Variants in TNNI3K observed in about 807,000 individuals in gnomAD.
TNNI3K encodes serine/threonine-protein kinase TNNI3K.
TNNI3K carries 140 observed loss-of-function variants against 114.5 expected under a neutral mutation model. The ratio of observed to expected loss-of-function variants is 1.22; its 90% CI spans 1.07 to 1.41. The LOEUF (loss-of-function observed/expected upper bound fraction) is 1.41. Ranked by LOEUF, TNNI3K falls within the 40% of genes most tolerant of loss-of-function variation. The probability of loss-of-function intolerance (pLI) is 0.00; values close to 1 mark genes in which losing one functional copy is unlikely to be tolerated. For synonymous variants in TNNI3K, 347 were observed against 347.5 expected (o/e 1.00, Z 0.02); for missense variants, 1,125 against 1,007.6 (o/e 1.12, Z -1.58).
At chr1:74,238,491 A>G (rs1653993825) in intron 2 of TNNI3K, among the ~76,000 whole-genome samples, 1 of 152,100 alleles carries the variant, frequency 6.6e-6, no homozygotes, top group Non-Finnish European at 1.5e-5. Flanking sequence ...AAGACTTATC[A>G]TAAAGTGAGA....
chr1:74,391,957 A>ATTATTTTTTTTTTTTTT lies in TNNI3K; in HGVS notation c.1772+21567_1772+21568insATTTTTTTTTTTTTTTT, dbSNP rs1369570973. Among the ~76,000 whole-genome samples the ATTATTTTTTTTTTTTTT allele has an allele frequency of 8.6e-4, 80 of 93,034 alleles. 1 individual carries two copies. Among genetic ancestry groups the ATTATTTTTTTTTTTTTT allele is most frequent in the Middle Eastern group, 8.6e-3 (1 of 116 alleles). 61.0% of individuals were successfully genotyped at this position (93,034 alleles called of 152,430 possible). ...TTGATTTAGGATGGTACAGCTTATTATTTTTTTTTTTTTTTTTTTTTTTTT... is the reference window on the plus strand; with the variant it reads ...TTGATTTAGGATGGTACAGCTTATTATTATTTTTTTTTTTTTTTTTTTTTTTTTTTTTTTTTTTTTTT... On this transcript the variant is annotated intron_variant, in intron 17 of 24. Coordinates refer to ENST00000326637, the MANE Select transcript of TNNI3K (RefSeq NM_015978.3).
chr1:74,353,232 T>C, intron 9 of TNNI3K, 34 bp from the exon 10 acceptor site: 1 of 1,602,134 alleles, frequency 6.2e-7, no homozygotes, highest in South Asian at 1.1e-5. Flanking sequence ...ACAAGGACCT[T>C]CTATCTTTCT....
chr1:74,396,866 G>A (rs938463935), intron 17 of TNNI3K, among the ~76,000 whole-genome samples: 7 of 152,338 alleles, frequency 4.6e-5, no homozygotes, highest in Non-Finnish European at 1.0e-4. Flanking sequence ...GGACCCAGTA[G>A]GGCAAGGCCT....
chr1:74,307,551 A>G (rs1380573719), intron 5 of TNNI3K, among the ~76,000 whole-genome samples: 1 of 152,226 alleles, frequency 6.6e-6, no homozygotes, highest in African/African-American at 2.4e-5. Flanking sequence ...AGGGCATTAT[A>G]TAATGATGAA....
intron 23 of TNNI3K, among the ~76,000 whole-genome samples, chr1:74,533,369 C>T (rs1646617038): frequency 6.6e-6 from 1 of 152,198 alleles, no homozygotes; most frequent in Admixed American, 6.5e-5. Flanking sequence ...GACATACCAT[C>T]TCACACCAGT....
intron 5 of TNNI3K, among the ~76,000 whole-genome samples, chr1:74,299,688 A>C (rs1344255705): frequency 6.6e-6 from 1 of 152,190 alleles, no homozygotes; most frequent in African/African-American, 2.4e-5. Context: ...TGAAGGAAAC[A>C]GCATAAATAA....
At chr1:74,527,031 T>C (rs778953478) in intron 23 of TNNI3K, among the ~76,000 whole-genome samples, 15 of 152,250 alleles carry the variant, frequency 9.9e-5, no homozygotes, top group Non-Finnish European at 1.5e-4. Flanking sequence ...AAAAGTTTGC[T>C]GATCCCTGCC....
chr1:74,492,307 T>A, intron 23 of TNNI3K, 41 bp downstream of exon 23: 2 of 1,444,192 alleles, frequency 1.4e-6, no homozygotes, highest in Non-Finnish European at 1.9e-6. Context: ...AAAGTCTTAT[T>A]TCAGAATCTT....
intron 20 of TNNI3K, among the ~76,000 whole-genome samples, chr1:74,451,691 C>CTTTTCTTTTCTTTTCTTTTCT (rs1553148035): frequency 4.6e-4 from 15 of 32,856 alleles, no homozygotes; most frequent in African/African-American, 9.8e-4. Context: ...TCTTTTCTTT[C>CTTTTCTTTTCTTTTCTTTTCT]TTTCTTTCTT....
chr1:74,374,724 G>C (rs1021817441), intron 17 of TNNI3K: 1 of 151,916 alleles, frequency 6.6e-6, no homozygotes, highest in African/African-American at 2.4e-5. Flanking sequence ...GGCCCATAGT[G>C]TTTAAATATT....
chr1:74,239,318 G>A (rs1430040114), intron 2 of TNNI3K, among the ~76,000 whole-genome samples: 1 of 152,108 alleles, frequency 6.6e-6, no homozygotes, highest in African/African-American at 2.4e-5. Flanking sequence ...ATAGTGTGCT[G>A]AGAATGTAAA....
chr1:74,289,483 A>C (rs1657541849), intron 5 of TNNI3K, among the ~76,000 whole-genome samples: 3 of 5,074 alleles, frequency 5.9e-4, no homozygotes. Context: ...ACCCATAGGT[A>C]GTGTCATTAG....
intron 23 of TNNI3K, among the ~76,000 whole-genome samples, chr1:74,520,614 C>CA (rs546325740): frequency 0.024 from 3,494 of 147,106 alleles, 99 homozygotes; most frequent in African/African-American, 0.063. Flanking sequence ...CTCACAACTT[C>CA]AAAAAAAAAA....
At chr1:74,463,094 C>T (rs1667518410) in intron 20 of TNNI3K, among the ~76,000 whole-genome samples, 1 of 152,136 alleles carries the variant, frequency 6.6e-6, no homozygotes. Context: ...TGGCATTATA[C>T]AGTCTTGTTT....
chr1:74,397,164 A>G (rs1455888939), intron 17 of TNNI3K, among the ~76,000 whole-genome samples: 1 of 151,748 alleles, frequency 6.6e-6, no homozygotes, highest in Admixed American at 6.6e-5. Context: ...GAGAAAGAGG[A>G]AGAAACCGAG....
intron 11 of TNNI3K, among the ~76,000 whole-genome samples, chr1:74,364,558 C>T (rs986390829): frequency 2.6e-5 from 4 of 151,556 alleles, no homozygotes; most frequent in African/African-American, 9.7e-5. Flanking sequence ...GTAATGCCCC[C>T]CGCCACCCCC....
chr1:74,518,887 T>A (rs1646389557), intron 23 of TNNI3K, among the ~76,000 whole-genome samples: 1 of 119,230 alleles, frequency 8.4e-6, no homozygotes, highest in Admixed American at 7.7e-5. Flanking sequence ...TTTTTTTTTT[T>A]TTTTTTTATT....
At chr1:74,427,015 T>C (rs770870427) in intron 17 of TNNI3K, among the ~76,000 whole-genome samples, 1 of 152,136 alleles carries the variant, frequency 6.6e-6, no homozygotes, top group Non-Finnish European at 1.5e-5. Flanking sequence ...TAAGGGATCA[T>C]TTAATGATCT....
intron 5 of TNNI3K, among the ~76,000 whole-genome samples, chr1:74,298,164 T>C (rs1217117083): frequency 2.0e-5 from 3 of 152,160 alleles, no homozygotes; most frequent in Non-Finnish European, 2.9e-5. Context: ...ACTAAAGATA[T>C]CATTTATTTG....
Sources: gnomAD v4.1 joint callset for allele counts (sites outside exome capture counted in the v4.1 genomes callset) on GRCh38, gnomAD v4.1.1 for gene constraint, MANE v1.5 for transcripts, NCBI Gene and HGNC (gene_info 2026-07-23, HGNC 2026-07-21) for gene names.